OLFML2B: variants seen among roughly 807,000 people sequenced by gnomAD.
OLFML2B encodes olfactomedin-like protein 2B.
A neutral mutation model predicts 74.9 loss-of-function variants in OLFML2B; 57 were observed. The ratio of observed to expected loss-of-function variants is 0.76; its 90% confidence interval spans 0.61 to 0.95. The LOEUF is 0.95. Among genes scored for constraint, OLFML2B ranks in the 40% least tolerant of loss-of-function variants. The pLI is 0.00. For synonymous variants in OLFML2B, 388 were observed against 405.8 expected (o/e 0.96, Z 0.53); for missense variants, 986 against 970.6 (o/e 1.02, Z -0.21).
intron 6 of OLFML2B, chr1:161,985,259 C>T (rs1423201420): frequency 6.2e-6 from 2 of 321,570 alleles, no homozygotes; most frequent in African/African-American, 4.3e-5. Flanking sequence ...CCTTCAAAGA[C>T]CTAAGATCCA....
intron 6 of OLFML2B, among the ~76,000 whole-genome samples, chr1:161,987,424 T>C (rs1689620324): frequency 1.3e-5 from 2 of 152,064 alleles, no homozygotes; most frequent in Non-Finnish European, 2.9e-5. Context: ...AGTATCCTTA[T>C]GACACAGAGG....
chr1:161,993,173 G>A (rs1689790536), intron 6 of OLFML2B, among the ~76,000 whole-genome samples: 1 of 152,208 alleles, frequency 6.6e-6, no homozygotes, highest in Admixed American at 6.5e-5. Flanking sequence ...CCTGCCTTTT[G>A]AGCACGGGCC....
rs369737971 is a variant in OLFML2B at position 162,017,360 on chromosome 1, T to G, written c.546+40A>C. 2.0e-6 allele frequency: 3 copies of G among 1,498,338 alleles called. No homozygotes were observed. In the African/African-American group the frequency reaches 4.1e-5, roughly 21 times the overall value. The allele number at this position is 1,498,338 out of a possible 1,614,324, so 92.8% of individuals were successfully genotyped here. On this transcript the variant is annotated intron_variant, in intron 3 of 7. Coordinates refer to ENST00000294794, the MANE Select transcript of OLFML2B (RefSeq NM_015441.3). ...TGGGACGTTTGATATGCTTTTGGGC[T>G]CAATCAAGAAAAAGATATAGAAACC...
At position 162,000,019 on chromosome 1, in the gene OLFML2B, G is replaced by T; in HGVS notation, c.949+94C>A. The T allele has an allele frequency of 3.4e-6, 3 of 883,550 alleles. No homozygotes were observed. In the South Asian group the frequency reaches 4.8e-5, roughly 14 times the overall value. 54.7% of individuals were successfully genotyped at this position (883,550 alleles called of 1,614,324 possible). ...GTAATTGGAATGCTGTGTATGGAGG[G>T]GTGTATGGCTCCCAGGAATCCAGCC... On this transcript the variant is annotated intron_variant, in intron 5 of 7. Coordinates refer to ENST00000294794, the MANE Select transcript of OLFML2B (RefSeq NM_015441.3).
At chr1:162,001,932 A>C (rs1013340561) in intron 4 of OLFML2B, among the ~76,000 whole-genome samples, 3 of 152,172 alleles carry the variant, frequency 2.0e-5, no homozygotes, top group Non-Finnish European at 4.4e-5. Context: ...GGGCATCTGG[A>C]TGGCGCTGTG....
chr1:161,985,843 C>G (rs16835120), intron 6 of OLFML2B, among the ~76,000 whole-genome samples: 1 of 152,154 alleles, frequency 6.6e-6, no homozygotes, highest in Non-Finnish European at 1.5e-5. Context: ...AAGTCGGCCA[C>G]GATGGGACAG....
chr1:162,002,310 C>T (rs1285085173), intron 4 of OLFML2B, among the ~76,000 whole-genome samples: 5 of 152,170 alleles, frequency 3.3e-5, no homozygotes, highest in Non-Finnish European at 5.9e-5. Context: ...AACCATGAGG[C>T]CCCTTCTCAA....
intron 3 of OLFML2B, among the ~76,000 whole-genome samples, chr1:162,011,037 G>C (rs1373790963): frequency 6.6e-6 from 1 of 152,162 alleles, no homozygotes; most frequent in African/African-American, 2.4e-5. Flanking sequence ...AGGGAAGCCA[G>C]GGTTTGGTAT....
Position 161,983,687 on chromosome 1 carries a change from G to T in OLFML2B, c.2241C>A (p.Ile747=). ...GGGGACAAGGGTGTCAGTAGGCAAA[G>T]ATGACATGGTAAGTGACCTGGTGGC... The part of the protein sequence containing the change: ...DNGHQVTYHV[I]FAY The change falls in exon 8 of 8, where the codon ATC becomes ATA. Residue 747 remains isoleucine, a synonymous_variant. Transcript: ENST00000294794. 1 of 1,607,818 alleles carries T rather than the reference G, an allele frequency of 6.2e-7. No homozygotes were observed. Among genetic ancestry groups the T allele is most frequent in the Non-Finnish European group, 8.5e-7 (1 of 1,175,200 alleles).
chr1:162,013,297 T>C (rs545752625), intron 3 of OLFML2B, among the ~76,000 whole-genome samples: 424 of 152,306 alleles, frequency 2.8e-3, no homozygotes, highest in Non-Finnish European at 4.5e-3. Flanking sequence ...CTGGGGTCTA[T>C]GTTGGACTGC....
Position 162,000,169 on chromosome 1 carries a change from C to T in OLFML2B, c.893G>A (p.Gly298Asp), listed in dbSNP as rs763644969. 2 of 1,613,140 alleles carry T rather than the reference C, an allele frequency of 1.2e-6. No homozygotes were observed. Among genetic ancestry groups the T allele is most frequent in the South Asian group, 2.2e-5 (2 of 91,034 alleles). Residue 298 changes from glycine to aspartate, a missense_variant, in exon 5 of 8, where the codon GGC (glycine) becomes GAC (aspartate). Physicochemically the swap from Gly to Asp is moderately conservative, Grantham distance 94. Transcript: ENST00000294794. Reference protein sequence around the residue: ...RPASQPTVIRGITYYKAKVSE... With the variant: ...RPASQPTVIRDITYYKAKVSE... ...GACCTTGGCTTTATAGTAGGTGATG[C>T]CCCGGATGACAGTGGGCTGGGAGGC...
At chr1:162,018,171 AACTATTAGGT>A (rs1690600171) in intron 2 of OLFML2B, among the ~76,000 whole-genome samples, 1 of 152,190 alleles carries the variant, frequency 6.6e-6, no homozygotes, top group African/African-American at 2.4e-5. Flanking sequence ...CAGAAAAAAT[AACTATTAGGT>A]ACTAGGCTTA....
In OLFML2B at chr1:162,006,398, T is replaced by C; in HGVS notation, c.622A>G (p.Lys208Glu). Residue 208 changes from lysine to glutamate, a missense_variant, in exon 4 of 8, where the codon AAG becomes GAG. Physicochemically the swap from Lys to Glu is moderately conservative, Grantham distance 56. Coordinates refer to ENST00000294794, the MANE Select transcript of OLFML2B (RefSeq NM_015441.3). ...TCAGAGCAATTTTCTTTGCCTCGCT[T>C]ATTCATCTCGGTTCGAATTTCTTCC... is the stretch of plus-strand genomic sequence containing the variant. ...DMEEIRTEMNKRGKENCSENI... is the reference protein window; with the variant it reads ...DMEEIRTEMNERGKENCSENI... 6.2e-7 allele frequency: 1 copy of C among 1,613,104 alleles called. No individual in the cohort carries two copies. The highest frequency in any genetic ancestry group is 8.5e-7 in the Non-Finnish European group (1 of 1,179,736).
At chr1:161,985,112 A>G (rs1439029989) in intron 6 of OLFML2B, 132 bp from the exon 7 acceptor site, 24 of 846,514 alleles carry the variant, frequency 2.8e-5, no homozygotes, top group Non-Finnish European at 3.2e-5. Flanking sequence ...CCTGACCCCA[A>G]ACATTTTTCC....
At position 161,984,865 on chromosome 1, in the gene OLFML2B, T is replaced by C. The variant is rs1298829334; in HGVS notation, c.1590A>G (p.Val530=). 6.2e-7 allele frequency: 1 copy of C among 1,612,930 alleles called. No individual in the cohort carries two copies. The highest frequency in any genetic ancestry group is 8.5e-7 in the Non-Finnish European group (1 of 1,179,832). Residue 530 remains valine, a synonymous_variant, in exon 7 of 8, where the codon GTA becomes GTG. Coordinates refer to ENST00000294794, the MANE Select transcript of OLFML2B (RefSeq NM_015441.3). ...DPLAKDERIY[V]TNYYYGNTLV... ...GGGTGTTGCCGTAGTAATAGTTGGT[T>C]ACGTAAATCCGCTCATCCTTGGCCA...
chr1:162,020,110 G>T lies in OLFML2B; in HGVS notation c.247C>A (p.Pro83Thr), dbSNP rs1158737840. ...SDCQCKCVVR[P>T]LGRDACQRIN... The stretch of plus-strand genomic sequence containing the variant: ...CTCTGGCAGGCATCCCGGCCCAGGG[G>T]TCTCACCACACACTTGCACTGACAG... Residue 83 changes from proline (P) to threonine (T), a missense_variant, in exon 2 of 8, where the codon CCC (proline) becomes ACC (threonine). Coordinates refer to ENST00000294794, the MANE Select transcript of OLFML2B (RefSeq NM_015441.3). 3.7e-6 allele frequency: 6 copies of T among 1,614,046 alleles called. No homozygotes were observed. Among genetic ancestry groups the T allele is most frequent in the Middle Eastern group, 3.3e-4 (2 of 6,084 alleles).
At chr1:162,016,367 C>A (rs1690536455) in intron 3 of OLFML2B, among the ~76,000 whole-genome samples, 1 of 152,200 alleles carries the variant, frequency 6.6e-6, no homozygotes, top group Non-Finnish European at 1.5e-5. Context: ...GTCCTGACTC[C>A]AAGCCTGCTG....
intron 2 of OLFML2B, 81 bp downstream of exon 2, chr1:162,019,838 A>G: frequency 6.5e-7 from 1 of 1,528,736 alleles, no homozygotes; most frequent in Non-Finnish European, 8.8e-7. Flanking sequence ...AGGGCTTAGA[A>G]TCTTCAACCA....
intron 4 of OLFML2B, among the ~76,000 whole-genome samples, chr1:162,005,360 G>A (rs755482990): frequency 7.2e-5 from 11 of 152,210 alleles, no homozygotes; most frequent in Non-Finnish European, 1.6e-4. Context: ...GAGACCCTCT[G>A]CCACCACTTC....
Sources: allele counts gnomAD v4.1 joint callset (sites outside exome capture counted in the v4.1 genomes callset), GRCh38; gene constraint gnomAD v4.1.1; transcripts MANE v1.5; gene names NCBI Gene and HGNC (gene_info 2026-07-23, HGNC 2026-07-21).